The following FILIP1 variants were observed in gnomAD, a reference collection of about 807,000 sequenced individuals.
The protein encoded by FILIP1 is filamin-A-interacting protein 1.
In FILIP1, 61 loss-of-function variants were observed where a neutral mutation model predicts 102.1. The observed-to-expected ratio is 0.60, with a 90% CI of 0.49 to 0.74. FILIP1 has a LOEUF of 0.74. FILIP1 is among the 30% of genes least tolerant of loss of function. The pLI is 0.00. For missense variants in FILIP1, 1,314 were observed against 1,441.2 expected (o/e 0.91, Z 1.43); for synonymous variants, 491 against 526.9 (o/e 0.93, Z 0.93).
intron 2 of FILIP1, among the ~76,000 whole-genome samples, chr6:75,391,058 A>G (rs1776266787): frequency 1.3e-5 from 2 of 152,084 alleles, no homozygotes; most frequent in Admixed American, 1.3e-4. Flanking sequence ...CTCCAACATC[A>G]TCTTCTATAT....
At chr6:75,413,812 T>C (rs1340011478) in intron 2 of FILIP1, among the ~76,000 whole-genome samples, 3 of 151,102 alleles carry the variant, frequency 2.0e-5, no homozygotes, top group Non-Finnish European at 4.4e-5. Context: ...ATTGTTCCTC[T>C]ACTTCCAGAA....
intron 2 of FILIP1, among the ~76,000 whole-genome samples, chr6:75,384,422 A>G (rs567115362): frequency 9.9e-5 from 15 of 152,248 alleles, no homozygotes; most frequent in African/African-American, 3.4e-4. Flanking sequence ...TTAGTTATCT[A>G]TCTCTCTTCC....
chr6:75,337,500 C>T (rs1774282162), intron 4 of FILIP1, among the ~76,000 whole-genome samples: 1 of 151,474 alleles, frequency 6.6e-6, no homozygotes, highest in African/African-American at 2.4e-5. Flanking sequence ...TGTATGTGGG[C>T]AATCACTGGG....
chr6:75,471,132 C>G (rs1341590660), intron 1 of FILIP1, among the ~76,000 whole-genome samples: 1 of 126,484 alleles, frequency 7.9e-6, no homozygotes, highest in Non-Finnish European at 1.6e-5. Flanking sequence ...TGCACTCCAA[C>G]CTGGGTGACA....
chr6:75,476,665 G>C (rs957838945), intron 1 of FILIP1, among the ~76,000 whole-genome samples: 5 of 152,096 alleles, frequency 3.3e-5, no homozygotes, highest in African/African-American at 1.2e-4. Context: ...AAAAATATCT[G>C]GAATTTAGCT....
intron 6 of FILIP1, among the ~76,000 whole-genome samples, chr6:75,299,113 T>C (rs561562696): frequency 9.1e-4 from 138 of 152,230 alleles, no homozygotes; most frequent in African/African-American, 3.0e-3. Flanking sequence ...TGTTCCTGTC[T>C]TTTTGTATAT....
intron 4 of FILIP1, among the ~76,000 whole-genome samples, chr6:75,317,107 G>T (rs183998908): frequency 1.8e-4 from 27 of 152,282 alleles, no homozygotes; most frequent in Admixed American, 1.8e-3. Context: ...ATAGGTTTTG[G>T]AGTCAGACAA....
chr6:75,297,724 A>G (rs1009700369), intron 6 of FILIP1, among the ~76,000 whole-genome samples: 1 of 152,226 alleles, frequency 6.6e-6, no homozygotes, highest in South Asian at 2.1e-4. Flanking sequence ...AATTTAAAAA[A>G]AAATTCTGCA....
At chr6:75,489,544 T>G (rs984386458) in intron 1 of FILIP1, among the ~76,000 whole-genome samples, 3 of 152,096 alleles carry the variant, frequency 2.0e-5, no homozygotes, top group Admixed American at 2.0e-4. Context: ...TTATAAACTA[T>G]AGATTTTATA....
chr6:75,300,125 A>T (rs1012143780), intron 6 of FILIP1, among the ~76,000 whole-genome samples: 7 of 147,002 alleles, frequency 4.8e-5, no homozygotes, highest in South Asian at 2.1e-4. Flanking sequence ...CTCTACATTT[A>T]AAAAAAAAAC....
chr6:75,404,150 T>C (rs1776754683), intron 2 of FILIP1, among the ~76,000 whole-genome samples: 1 of 152,076 alleles, frequency 6.6e-6, no homozygotes, highest in Admixed American at 6.6e-5. Flanking sequence ...GGTGGGGGGA[T>C]CACTTGAGCC....
intron 1 of FILIP1, among the ~76,000 whole-genome samples, chr6:75,434,816 C>T (rs1002052089): frequency 6.6e-6 from 1 of 152,198 alleles, no homozygotes; most frequent in African/African-American, 2.4e-5. Flanking sequence ...ATGATATTGG[C>T]TGTGGGTTTG....
rs776698701 is a variant in FILIP1, at chr6:75,431,862, C to A, written c.-6-16884G>T. On this transcript the variant is annotated intron_variant, in intron 1 of 5. Transcript: ENST00000237172. ...AAATATGAAAGAAAACAAATCAAAACCTCAAAAGATAAGACGAATGTGTTT... is the reference window on the plus strand; with the variant it reads ...AAATATGAAAGAAAACAAATCAAAAACTCAAAAGATAAGACGAATGTGTTT... Among the ~76,000 whole-genome samples the A allele has an allele frequency of 8.1e-4, 124 of 152,260 alleles. 1 individual carries two copies. The highest frequency in any genetic ancestry group is 1.0e-3 in the Non-Finnish European group (69 of 68,024).
chr6:75,371,537 A>G (rs1441768322), intron 2 of FILIP1, among the ~76,000 whole-genome samples: 1 of 152,246 alleles, frequency 6.6e-6, no homozygotes, highest in African/African-American at 2.4e-5. Context: ...GAAAAATAAC[A>G]AAGTTGGAGG....
At chr6:75,457,953 A>T (rs1778898736) in intron 1 of FILIP1, among the ~76,000 whole-genome samples, 1 of 152,146 alleles carries the variant, frequency 6.6e-6, no homozygotes, top group African/African-American at 2.4e-5. Flanking sequence ...AGTGGAGGAG[A>T]GAGCAATTTT....
chr6:75,461,967 G>A (rs1228235231), intron 1 of FILIP1, among the ~76,000 whole-genome samples: 1 of 152,170 alleles, frequency 6.6e-6, no homozygotes, highest in African/African-American at 2.4e-5. Flanking sequence ...GGCATGAAAA[G>A]CAAAGGCATG....
At chr6:75,338,438 G>A (rs1438561278) in intron 4 of FILIP1, among the ~76,000 whole-genome samples, 1 of 152,196 alleles carries the variant, frequency 6.6e-6, no homozygotes, top group African/African-American at 2.4e-5. Context: ...CACAGTCAAA[G>A]AGCCAGAGAG....
intron 1 of FILIP1, among the ~76,000 whole-genome samples, chr6:75,450,457 G>A (rs1778589432): frequency 6.6e-6 from 1 of 151,834 alleles, no homozygotes; most frequent in African/African-American, 2.4e-5. Context: ...GACCAGCCTG[G>A]GCAATAAAGC....
Position 75,312,482 on chromosome 6 carries a change from G to T in FILIP1, c.3350C>A (p.Ser1117Tyr), listed in dbSNP as rs1773233393. 3 of 1,614,062 alleles carry T rather than the reference G, an allele frequency of 1.9e-6. No homozygotes were observed. Among genetic ancestry groups the T allele is most frequent in the Admixed American group, 3.3e-5 (2 of 60,002 alleles). Reference protein sequence around the residue: ...TVLRSPRNHLSSRPGASKVTS... With the variant: ...TVLRSPRNHLYSRPGASKVTS... Reference sequence around the variant, plus strand: ...CACTTTGCTTGCACCAGGCCGTGAGGAGAGGTGATTCCTGGGAGAGCGAAG... The same window carrying T: ...CACTTTGCTTGCACCAGGCCGTGAGTAGAGGTGATTCCTGGGAGAGCGAAG... The change falls in exon 5 of 6, where the codon TCC (serine) becomes TAC (tyrosine). Residue 1117 changes from serine to tyrosine, a missense_variant. Coordinates refer to ENST00000237172, the MANE Select transcript of FILIP1 (RefSeq NM_015687.5).
Sources: gnomAD v4.1 joint callset for allele counts (sites outside exome capture counted in the v4.1 genomes callset) on GRCh38, gnomAD v4.1.1 for gene constraint, MANE v1.5 for transcripts, NCBI Gene and HGNC (gene_info 2026-07-23, HGNC 2026-07-21) for gene names.